Variants in MATN2 observed in about 807,000 individuals in gnomAD.
MATN2 encodes the protein matrilin 2, also known as matrilin-2.
A neutral mutation model predicts 103.2 loss-of-function variants in MATN2; 69 were observed. The observed-to-expected ratio is 0.67, with a 90% CI of 0.55 to 0.82. The LOEUF (loss-of-function observed/expected upper bound fraction) is 0.82. Ranked by LOEUF, MATN2 falls within the 40% of genes least tolerant of loss-of-function variation. The probability of loss-of-function intolerance (pLI) is 0.00; values close to 1 mark genes in which losing one functional copy is unlikely to be tolerated. For missense variants in MATN2, 1,023 were observed against 1,211.5 expected, an observed-to-expected ratio of 0.84 and a Z score of 2.31; for synonymous variants, 429 against 450.2, an observed-to-expected ratio of 0.95 and a Z score of 0.60.
At chr8:98,030,419 C>T (rs1391525560) in intron 14 of MATN2, 43 bp from the exon 15 acceptor site, 27 of 1,569,146 alleles carry the variant, frequency 1.7e-5, no homozygotes, top group Non-Finnish European at 2.3e-5. Flanking sequence ...CCCCTGGGAA[C>T]ACAACTCTAA....
At chr8:97,987,231 C>A (rs1021218641) in intron 6 of MATN2, among the ~76,000 whole-genome samples, 1 of 152,014 alleles carries the variant, frequency 6.6e-6, no homozygotes, top group African/African-American at 2.4e-5. Flanking sequence ...GGAATTTGTC[C>A]ATTTCATCTT....
chr8:97,880,167 TCTGCCTCTCGCGTTCAAATGATTCTC>T (rs1818207480), intron 1 of MATN2, among the ~76,000 whole-genome samples: 1 of 150,516 alleles, frequency 6.6e-6, no homozygotes, highest in Non-Finnish European at 1.5e-5. Context: ...CACTGCAGCC[TCTGCCTCTCGCGTTCAAATGATTCTC>T]CTGCCTCAGC....
intron 2 of MATN2, among the ~76,000 whole-genome samples, chr8:97,926,314 T>C (rs1055738704): frequency 1.3e-5 from 2 of 152,202 alleles, no homozygotes; most frequent in Admixed American, 6.5e-5. Context: ...TCAGAACCAG[T>C]TGTCAGCATA....
intron 7 of MATN2, among the ~76,000 whole-genome samples, chr8:97,999,920 A>G (rs1209775854): frequency 6.8e-6 from 1 of 147,104 alleles, no homozygotes; most frequent in Non-Finnish European, 1.5e-5. Context: ...TCACTCTGTC[A>G]CCCAGGCTGG....
intron 6 of MATN2, among the ~76,000 whole-genome samples, chr8:97,980,042 T>C (rs950665704): frequency 3.3e-5 from 5 of 152,124 alleles, no homozygotes; most frequent in African/African-American, 7.2e-5. Flanking sequence ...GCCCCAACCA[T>C]GTGCCAATAG....
chr8:97,957,574 G>C (rs140610412), intron 4 of MATN2, among the ~76,000 whole-genome samples: 27 of 152,376 alleles, frequency 1.8e-4, no homozygotes, highest in Admixed American at 5.2e-4. Context: ...TTGTGGGACA[G>C]TTCTGGGATG....
intron 1 of MATN2, among the ~76,000 whole-genome samples, chr8:97,879,176 G>A (rs915333941): frequency 1.3e-5 from 2 of 152,176 alleles, no homozygotes; most frequent in African/African-American, 2.4e-5. Context: ...TTAGAAAACC[G>A]AGAGAATATT....
At position 98,033,459 on chromosome 8, in the gene MATN2, C is replaced by T. The variant is rs1455685637; in HGVS notation, c.2717-102C>T. The T allele has an allele frequency of 1.2e-5, 8 of 694,576 alleles. No homozygotes were observed. The South Asian group carries it at 1.7e-4, about 15-fold the overall frequency. The allele number at this position is 694,576 out of a possible 1,614,324, so 43.0% of individuals were successfully genotyped here. On this transcript the variant is annotated intron_variant, in intron 17 of 18. Coordinates refer to ENST00000254898, the MANE Select transcript of MATN2 (RefSeq NM_002380.5). ...GCTGCATGGAAAAAGTGGAACATGT[C>T]TTTCATTATGGTTTCCTCCATATGC...
intron 4 of MATN2, among the ~76,000 whole-genome samples, chr8:97,957,768 C>T (rs1464427115): frequency 6.6e-6 from 1 of 152,148 alleles, no homozygotes; most frequent in Non-Finnish European, 1.5e-5. Context: ...ATTGTGGGGA[C>T]TTTTTATCTG....
intron 2 of MATN2, 134 bp from the exon 3 acceptor site, chr8:97,930,819 A>C (rs2130139299): frequency 3.3e-6 from 2 of 601,304 alleles, no homozygotes; most frequent in South Asian, 4.3e-5. Context: ...ACAGGGTTTT[A>C]CAGTGTTGAC....
At chr8:97,896,654 G>A (rs1223991735) in intron 2 of MATN2, among the ~76,000 whole-genome samples, 6 of 151,492 alleles carry the variant, frequency 4.0e-5, no homozygotes, top group African/African-American at 1.5e-4. Flanking sequence ...TAGGCAGTGG[G>A]ATCAGGTAAC....
chr8:97,930,750 G>A (rs1490624373), intron 2 of MATN2, among the ~76,000 whole-genome samples: 3 of 152,192 alleles, frequency 2.0e-5, no homozygotes, highest in Admixed American at 6.5e-5. Flanking sequence ...AGCCTCTCGA[G>A]TAGCTGGGAA....
At chr8:97,905,885 T>C (rs973484097) in intron 2 of MATN2, among the ~76,000 whole-genome samples, 10 of 152,140 alleles carry the variant, frequency 6.6e-5, no homozygotes, top group Non-Finnish European at 1.5e-5. Context: ...GGTCTTGAAC[T>C]CCTGGGCTCA....
Position 97,974,883 on chromosome 8 carries a change from G to A in MATN2, c.959-4003G>A, listed in dbSNP as rs146685808. On this transcript the variant is annotated intron_variant, in intron 5 of 18. Transcript: ENST00000254898. The stretch of plus-strand genomic sequence containing the variant: ...TGCCTCAGAATCACCTGGAGGGCTT[G>A]CTCAAACACATATTCCTGGGTCCCA... Among the ~76,000 whole-genome samples the A allele has an allele frequency of 3.8e-3, 583 of 152,328 alleles. 3 individuals are homozygous for A. Among genetic ancestry groups the A allele is most frequent in the South Asian group, 7.3e-3 (35 of 4,824 alleles).
In MATN2 at chr8:97,888,217, G is replaced by A. The variant is rs1009309714; in HGVS notation, c.117G>A (p.Arg39=). The change falls in exon 2 of 19, where the codon CGG becomes CGA. Residue 39 remains arginine, a synonymous_variant. Transcript: ENST00000254898. ...CCATCTCTAGGGGCAGACACGCTCG[G>A]ACCCACCCGCAGACGGCCCTTCTGG... is the stretch of plus-strand genomic sequence containing the variant. ...GRSISRGRHA[R]THPQTALLES... The A allele has an allele frequency of 6.3e-7, 1 of 1,580,874 alleles. No individual in the cohort carries two copies. The highest frequency in any genetic ancestry group is 8.6e-7 in the Non-Finnish European group (1 of 1,162,204).
At chr8:98,006,894 G>A (rs974226810) in intron 8 of MATN2, among the ~76,000 whole-genome samples, 7 of 152,198 alleles carry the variant, frequency 4.6e-5, no homozygotes, top group Non-Finnish European at 1.0e-4. Context: ...AGGTTGCAGT[G>A]AGCCGAGATC....
At chr8:97,984,085 T>A (rs1812117638) in intron 6 of MATN2, among the ~76,000 whole-genome samples, 1 of 152,272 alleles carries the variant, frequency 6.6e-6, no homozygotes, top group Admixed American at 6.5e-5. Context: ...ACTCCCTATG[T>A]GGATAAATCA....
intron 12 of MATN2, 68 bp from the exon 13 acceptor site, chr8:98,021,137 C>T (rs1414163888): frequency 2.7e-6 from 4 of 1,492,014 alleles, no homozygotes; most frequent in Admixed American, 1.8e-5. Context: ...AATCTCTACT[C>T]ACATGACTAT....
At chr8:97,925,993 A>G (rs2130123376) in intron 2 of MATN2, among the ~76,000 whole-genome samples, 1 of 152,344 alleles carries the variant, frequency 6.6e-6, no homozygotes, top group East Asian at 1.9e-4. Context: ...AGAGGAGGAA[A>G]TAGTTCTGAT....
Sources: gnomAD v4.1 joint callset for allele counts (sites outside exome capture counted in the v4.1 genomes callset) on GRCh38, gnomAD v4.1.1 for gene constraint, MANE v1.5 for transcripts, NCBI Gene and HGNC (gene_info 2026-07-23, HGNC 2026-07-21) for gene names.